TMEM170A: variants seen among roughly 807,000 people sequenced by gnomAD.
The protein encoded by TMEM170A is transmembrane protein 170.
In TMEM170A, 18 loss-of-function variants were observed where a neutral mutation model predicts 12.8. The ratio of observed to expected loss-of-function variants is 1.41; its 90% CI spans 0.97 to 2.09. The LOEUF (loss-of-function observed/expected upper bound fraction) is 2.09. Ranked by LOEUF, TMEM170A falls within the 30% of genes most tolerant of loss-of-function variation. The pLI is 0.00. For synonymous variants in TMEM170A, 107 were observed against 76.2 expected (o/e 1.40, Z -2.11); for missense variants, 220 against 179.9 (o/e 1.22, Z -1.28).
chr16:75,450,664 C>CT (rs34424243), intron 2 of TMEM170A, among the ~76,000 whole-genome samples: 5 of 151,390 alleles, frequency 3.3e-5, no homozygotes, highest in South Asian at 2.1e-4. Flanking sequence ...AGCAAGAATT[C>CT]TTTTTTTTTC....
intron 1 of TMEM170A, 145 bp downstream of exon 1, chr16:75,464,323 C>T (rs1229630805): frequency 2.8e-6 from 4 of 1,437,992 alleles, no homozygotes; most frequent in Non-Finnish European, 3.6e-6. Flanking sequence ...GGGCTCCGGG[C>T]GAGCAGCACG....
intron 1 of TMEM170A, among the ~76,000 whole-genome samples, chr16:75,460,830 T>A (rs866137473): frequency 6.7e-4 from 102 of 152,310 alleles, no homozygotes; most frequent in African/African-American, 2.4e-3. Flanking sequence ...GGTCCAAGTG[T>A]GACCAGTCTT....
rs1241151298 is a variant in TMEM170A, at chr16:75,444,390, A to C, written c.*3168T>G. On this transcript the variant is annotated 3_prime_UTR_variant, in exon 3 of 3. Coordinates refer to ENST00000561878, the MANE Select transcript of TMEM170A (RefSeq NM_145254.3). ...AGAATGGCGTGAACCCGGGAGGCAG[A>C]GCTTGCAGTGAGCCGAGATCATGCC... is the stretch of plus-strand genomic sequence containing the variant. 10 of 152,056 alleles carry C rather than the reference A, an allele frequency of 6.6e-5. No individual in the cohort carries two copies. The highest frequency in any genetic ancestry group is 6.6e-4 in the Admixed American group (10 of 15,252). The allele number at this position is 152,056 out of a possible 1,614,324, so 9.4% of individuals were successfully genotyped here.
chr16:75,451,702 T>C lies in TMEM170A; in HGVS notation c.271A>G (p.Ile91Val). The change falls in exon 2 of 3, where the codon ATC (isoleucine) becomes GTC (valine). Residue 91 changes from isoleucine to valine, a missense_variant. Coordinates refer to ENST00000561878, the MANE Select transcript of TMEM170A (RefSeq NM_145254.3). Reference protein sequence around the residue: ...FMSVSILLMGIVGPITAGILT... With the variant: ...FMSVSILLMGVVGPITAGILT... ...ATTCCAGCAGTAATTGGTCCCACGATGCCCATCAACAGGATGCTTACAGAC... is the reference window on the plus strand; with the variant it reads ...ATTCCAGCAGTAATTGGTCCCACGACGCCCATCAACAGGATGCTTACAGAC... 6.8e-6 allele frequency: 11 copies of C among 1,614,198 alleles called. No homozygotes were observed. The highest frequency in any genetic ancestry group is 9.3e-6 in the Non-Finnish European group (11 of 1,180,010).
Position 75,445,514 on chromosome 16 carries a change from C to G in TMEM170A, c.*2044G>C, listed in dbSNP as rs1396063842. ...GTCTCACTATGTTGCCCAGGCCAGT[C>G]TTGAACTCTTGGGCTCAAGCAATCC... On this transcript the variant is annotated 3_prime_UTR_variant, in exon 3 of 3. Transcript: ENST00000561878. 1 of 152,186 alleles carries G rather than the reference C, an allele frequency of 6.6e-6. No individual in the cohort carries two copies. The highest frequency in any genetic ancestry group is 1.9e-4 in the East Asian group (1 of 5,180). 9.4% of individuals were successfully genotyped at this position (152,186 alleles called of 1,614,324 possible). A position where few individuals can be genotyped will look rare whatever the true frequency, so the allele number is the denominator to read the frequency against.
intron 2 of TMEM170A, among the ~76,000 whole-genome samples, chr16:75,448,722 A>G (rs1345083828): frequency 6.6e-6 from 1 of 151,776 alleles, no homozygotes; most frequent in African/African-American, 2.4e-5. Flanking sequence ...TCACATCGCG[A>G]CACTGCACTC....
chr16:75,448,388 G>C (rs912360904), intron 2 of TMEM170A, among the ~76,000 whole-genome samples: 3 of 152,178 alleles, frequency 2.0e-5, no homozygotes, highest in Non-Finnish European at 2.9e-5. Context: ...TATCTATGCA[G>C]ATACCCATTT....
At chr16:75,460,419 C>T (rs1047667296) in intron 1 of TMEM170A, among the ~76,000 whole-genome samples, 1 of 152,166 alleles carries the variant, frequency 6.6e-6, no homozygotes, top group Non-Finnish European at 1.5e-5. Context: ...GTTGCCGACA[C>T]AGTCCCTCCA....
chr16:75,445,332 C>G lies in TMEM170A; in HGVS notation c.*2226G>C, dbSNP rs1214912501. The G allele has an allele frequency of 1.3e-5, 2 of 152,224 alleles. No homozygotes were observed. The highest frequency in any genetic ancestry group is 4.8e-5 in the African/African-American group (2 of 41,460). 9.4% of individuals were successfully genotyped at this position (152,224 alleles called of 1,614,324 possible). A position where few individuals can be genotyped will look rare whatever the true frequency, so the allele number is the denominator to read the frequency against. ...CAAAATTAGTAATATTATTTTAAGA[C>G]AGGGTCTTGCCCTGTGGCCTAAGCT... On this transcript the variant is annotated 3_prime_UTR_variant, in exon 3 of 3. Coordinates refer to ENST00000561878, the MANE Select transcript of TMEM170A (RefSeq NM_145254.3).
chr16:75,459,231 T>C (rs535185783), intron 1 of TMEM170A, among the ~76,000 whole-genome samples: 4 of 152,284 alleles, frequency 2.6e-5, no homozygotes, highest in African/African-American at 7.2e-5. Flanking sequence ...TTCAGAGAGA[T>C]ACTGCAGTGA....
At chr16:75,456,521 A>G (rs2079800862) in intron 1 of TMEM170A, among the ~76,000 whole-genome samples, 1 of 152,150 alleles carries the variant, frequency 6.6e-6, no homozygotes, top group Non-Finnish European at 1.5e-5. Context: ...GCCTTAGTCA[A>G]TAGTGTCAAT....
intron 1 of TMEM170A, among the ~76,000 whole-genome samples, chr16:75,462,731 A>G (rs2079929198): frequency 6.6e-6 from 1 of 152,222 alleles, no homozygotes; most frequent in South Asian, 2.1e-4. Flanking sequence ...AACTAAAGAG[A>G]CGGACAACTT....
chr16:75,462,814 G>A (rs534824090), intron 1 of TMEM170A, among the ~76,000 whole-genome samples: 3 of 152,198 alleles, frequency 2.0e-5, no homozygotes, highest in African/African-American at 7.2e-5. Flanking sequence ...TGGACAATTG[G>A]GGAAATGTAA....
rs2079579555 is a variant in TMEM170A, at chr16:75,446,035, C to G, written c.*1523G>C. The G allele has an allele frequency of 6.6e-6, 1 of 152,070 alleles. No individual in the cohort carries two copies. The highest frequency in any genetic ancestry group is 2.4e-5 in the African/African-American group (1 of 41,388). The allele number at this position is 152,070 out of a possible 1,614,324, so 9.4% of individuals were successfully genotyped here. On this transcript the variant is annotated 3_prime_UTR_variant, in exon 3 of 3. Transcript: ENST00000561878. ...ACTAAAAATACAAAAATTAGCCGGGCACGGTGGCAGGTGCCTGTAATCCCA... is the reference window on the plus strand; with the variant it reads ...ACTAAAAATACAAAAATTAGCCGGGGACGGTGGCAGGTGCCTGTAATCCCA...
At chr16:75,457,519 C>A (rs2079821316) in intron 1 of TMEM170A, among the ~76,000 whole-genome samples, 1 of 152,210 alleles carries the variant, frequency 6.6e-6, no homozygotes, top group African/African-American at 2.4e-5. Context: ...CAGAACCCAA[C>A]CATCCTGGCA....
At chr16:75,464,436 C>G (rs774245791) in intron 1 of TMEM170A, 32 bp downstream of exon 1, 1 of 1,407,690 alleles carries the variant, frequency 7.1e-7, no homozygotes, top group Middle Eastern at 2.0e-4. Context: ...GACGGCGGGG[C>G]GCGCAGTGCG....
intron 1 of TMEM170A, among the ~76,000 whole-genome samples, chr16:75,455,212 C>T (rs1393638146): frequency 6.6e-6 from 1 of 151,994 alleles, no homozygotes; most frequent in Non-Finnish European, 1.5e-5. Context: ...AAAGAATTAG[C>T]TGGGCAAGGC....
At chr16:75,461,109 A>G (rs1186199254) in intron 1 of TMEM170A, among the ~76,000 whole-genome samples, 2 of 152,168 alleles carry the variant, frequency 1.3e-5, no homozygotes, top group East Asian at 3.8e-4. Context: ...GCTGGAGTGC[A>G]GTGGCATGAT....
chr16:75,463,830 C>A (rs1046578523), intron 1 of TMEM170A, among the ~76,000 whole-genome samples: 1 of 152,204 alleles, frequency 6.6e-6, no homozygotes, highest in African/African-American at 2.4e-5. Flanking sequence ...CAAGCCGCAG[C>A]GGGGAGGAAG....
Sources: gnomAD v4.1 joint callset for allele counts (sites outside exome capture counted in the v4.1 genomes callset) on GRCh38, gnomAD v4.1.1 for gene constraint, MANE v1.5 for transcripts, NCBI Gene and HGNC (gene_info 2026-07-23, HGNC 2026-07-21) for gene names.